RBFOX1: variants seen among roughly 807,000 people sequenced by gnomAD.
RBFOX1 encodes the protein RNA binding fox-1 homolog 1, also known as RNA binding protein fox-1 homolog 1.
Under a neutral mutation model 57.7 loss-of-function variants are expected in RBFOX1, and 8 were observed. The observed-to-expected ratio is 0.14, with a 90% CI of 0.08 to 0.25. RBFOX1 has a LOEUF of 0.25. RBFOX1 is among the 10% of genes least tolerant of loss of function. RBFOX1 has a pLI of 1.00. For synonymous variants in RBFOX1, 326 were observed against 222.4 expected (o/e 1.47, Z -4.15); for missense variants, 611 against 548.5 (o/e 1.11, Z -1.14).
intron 3 of RBFOX1, among the ~76,000 whole-genome samples, chr16:6,924,548 G>C (rs998513302): frequency 1.3e-5 from 2 of 152,054 alleles, no homozygotes; most frequent in African/African-American, 2.4e-5. Context: ...ATTTCAACAT[G>C]AGATTTAGAG....
intron 1 of RBFOX1, among the ~76,000 whole-genome samples, chr16:6,072,842 TAAAG>T (rs2095853125): frequency 1.3e-5 from 2 of 152,136 alleles, no homozygotes; most frequent in South Asian, 4.1e-4. Flanking sequence ...CATGTCCAAA[TAAAG>T]GGAAATTTTT....
chr16:6,190,733 C>T (rs1326904287), intron 1 of RBFOX1, among the ~76,000 whole-genome samples: 2 of 152,162 alleles, frequency 1.3e-5, no homozygotes, highest in Admixed American at 6.5e-5. Flanking sequence ...TATTGAACCA[C>T]GTGCTATCAG....
At chr16:7,674,728 G>A (rs2072741199) in intron 13 of RBFOX1, among the ~76,000 whole-genome samples, 1 of 152,144 alleles carries the variant, frequency 6.6e-6, no homozygotes. Flanking sequence ...CGGAATCCCA[G>A]GTGTACACAC....
chr16:6,500,260 C>G (rs921684422), intron 2 of RBFOX1, among the ~76,000 whole-genome samples: 1 of 152,112 alleles, frequency 6.6e-6, no homozygotes, highest in South Asian at 2.1e-4. Context: ...TTATTGAGGC[C>G]TTTAGCAAGA....
At chr16:6,649,611 C>A (rs147719219) in intron 2 of RBFOX1, among the ~76,000 whole-genome samples, 1 of 152,132 alleles carries the variant, frequency 6.6e-6, no homozygotes, top group Non-Finnish European at 1.5e-5. Context: ...TGAGAACATG[C>A]AATGTTTCGT....
At chr16:5,920,521 C>G (rs7201602) in intron 4 of RBFOX1, among the ~76,000 whole-genome samples, 1,701 of 152,234 alleles carry the variant, frequency 0.011, 31 homozygotes, top group African/African-American at 0.039. Context: ...GGGAACTGAT[C>G]ACAGCTTTTT....
chr16:5,787,428 T>G (rs1482778518), intron 3 of RBFOX1, among the ~76,000 whole-genome samples: 1 of 152,192 alleles, frequency 6.6e-6, no homozygotes, highest in African/African-American at 2.4e-5. Flanking sequence ...CTCTACAAAC[T>G]GGTCATCTGA....
At chr16:5,245,598 C>G (rs1193480839) in intron 1 of RBFOX1, among the ~76,000 whole-genome samples, 1 of 152,160 alleles carries the variant, frequency 6.6e-6, no homozygotes, top group East Asian at 1.9e-4. Context: ...ATGCGCACCA[C>G]CATGCCTGAC....
At chr16:5,881,167 T>A (rs556446889) in intron 4 of RBFOX1, among the ~76,000 whole-genome samples, 1 of 152,216 alleles carries the variant, frequency 6.6e-6, no homozygotes, top group African/African-American at 2.4e-5. Flanking sequence ...GAATCTTGGA[T>A]CCCCAGTGAA....
At chr16:6,616,865 G>A (rs551303802) in intron 2 of RBFOX1, among the ~76,000 whole-genome samples, 1 of 152,170 alleles carries the variant, frequency 6.6e-6, no homozygotes, top group Non-Finnish European at 1.5e-5. Flanking sequence ...GCCACCTCTA[G>A]CCTCTGTCTG....
intron 4 of RBFOX1, among the ~76,000 whole-genome samples, chr16:7,487,314 G>A (rs1160360105): frequency 6.6e-6 from 1 of 152,082 alleles, no homozygotes; most frequent in African/African-American, 2.4e-5. Context: ...CCCCATCACT[G>A]TCTTGCTCCA....
intron 1 of RBFOX1, among the ~76,000 whole-genome samples, chr16:6,133,908 T>C (rs1597632335): frequency 6.6e-6 from 1 of 152,106 alleles, no homozygotes; most frequent in South Asian, 2.1e-4. Context: ...TAGGGGACAT[T>C]CCTCTTTTAT....
Position 7,129,366 on chromosome 16 carries a change from A to C in RBFOX1, c.27+77268A>C, listed in dbSNP as rs775343717. Among the ~76,000 whole-genome samples the C allele has an allele frequency of 1.1e-3, 172 of 152,110 alleles. 2 individuals are homozygous for C. Among genetic ancestry groups the C allele is most frequent in the Non-Finnish European group, 3.7e-4 (25 of 68,026 alleles). On this transcript the variant is annotated intron_variant, in intron 4 of 15. Coordinates refer to ENST00000550418, the MANE Select transcript of RBFOX1 (RefSeq NM_018723.4). ...GAGGTACAGGAGTCAGCCCTACCTA[A>C]ACCATGGGTACTGGAAGTGGCATAG...
intron 4 of RBFOX1, among the ~76,000 whole-genome samples, chr16:7,433,155 C>T (rs1380348668): frequency 6.6e-6 from 1 of 152,148 alleles, no homozygotes; most frequent in Non-Finnish European, 1.5e-5. Context: ...GCTGATCCTC[C>T]CTTCTTTCCT....
At chr16:6,177,922 TAA>T (rs57642754) in intron 1 of RBFOX1, among the ~76,000 whole-genome samples, 41 of 139,904 alleles carry the variant, frequency 2.9e-4, no homozygotes, top group Non-Finnish European at 2.3e-4. Flanking sequence ...TCAGTGGGGG[TAA>T]AAAAAAAAAA....
intron 3 of RBFOX1, among the ~76,000 whole-genome samples, chr16:6,834,695 C>T (rs971219698): frequency 2.0e-5 from 3 of 152,098 alleles, no homozygotes; most frequent in African/African-American, 7.2e-5. Flanking sequence ...ATATTGTTGT[C>T]ATGCTAAGTG....
intron 11 of RBFOX1, among the ~76,000 whole-genome samples, chr16:7,651,739 G>C (rs540102356): frequency 2.8e-4 from 43 of 152,368 alleles, no homozygotes; most frequent in African/African-American, 9.4e-4. Flanking sequence ...TGGAAAAGGA[G>C]TTGGTTGTGC....
intron 4 of RBFOX1, among the ~76,000 whole-genome samples, chr16:5,898,921 G>C (rs539831993): frequency 1.3e-5 from 2 of 151,392 alleles, no homozygotes; most frequent in East Asian, 3.9e-4. Flanking sequence ...AAAGTAGCCG[G>C]GTGTGGTGTC....
intron 1 of RBFOX1, among the ~76,000 whole-genome samples, chr16:5,369,942 G>A (rs1251450959): frequency 6.6e-6 from 1 of 152,122 alleles, no homozygotes. Flanking sequence ...CAGCATGATG[G>A]GGTCATGGGG....
Sources: gnomAD v4.1 joint callset for allele counts (sites outside exome capture counted in the v4.1 genomes callset) on GRCh38, gnomAD v4.1.1 for gene constraint, MANE v1.5 for transcripts, NCBI Gene and HGNC (gene_info 2026-07-23, HGNC 2026-07-21) for gene names.